GABRG2: variants seen among roughly 807,000 people sequenced by gnomAD.
The protein encoded by GABRG2 is gamma-aminobutyric acid receptor subunit gamma-2.
In GABRG2, 16 loss-of-function variants were observed where a neutral mutation model predicts 56.4. The observed-to-expected ratio is 0.28, with a 90% CI of 0.19 to 0.43. The LOEUF is 0.43. GABRG2 is among the 20% of genes least tolerant of loss of function. GABRG2 has a pLI of 1.00. For missense variants in GABRG2, 327 were observed against 582.7 expected, an observed-to-expected ratio of 0.56 and a Z score of 4.52; for synonymous variants, 208 against 205.5, an observed-to-expected ratio of 1.01 and a Z score of -0.10.
At position 162,153,628 on chromosome 5, in the gene GABRG2, A is replaced by C; in HGVS notation, c.*260A>C. On this transcript the variant is annotated 3_prime_UTR_variant, in exon 10 of 10. Transcript: ENST00000639213. Reference sequence around the variant, plus strand: ...AGAGCAAGAACATTCAAACCAAATAAGATATTTTTCAGCTACAGCAAATAA... The same window carrying C: ...AGAGCAAGAACATTCAAACCAAATACGATATTTTTCAGCTACAGCAAATAA... 1 of 559,892 alleles carries C rather than the reference A, an allele frequency of 1.8e-6. No individual in the cohort carries two copies. Among genetic ancestry groups the C allele is most frequent in the Non-Finnish European group, 3.2e-6 (1 of 312,544 alleles). The allele number at this position is 559,892 out of a possible 1,614,324, so 34.7% of individuals were successfully genotyped here.
intron 6 of GABRG2, among the ~76,000 whole-genome samples, chr5:162,107,496 A>G (rs28550487): frequency 0.029 from 4,476 of 152,260 alleles, 241 homozygotes; most frequent in African/African-American, 0.1. Context: ...AGCATTTCAT[A>G]TGAGAGAATT....
intron 6 of GABRG2, among the ~76,000 whole-genome samples, chr5:162,121,407 G>A (rs1047950002): frequency 2.0e-5 from 3 of 152,044 alleles, no homozygotes; most frequent in African/African-American, 4.8e-5. Context: ...TATGAATGAT[G>A]ACACTTGGAT....
intron 5 of GABRG2, chr5:162,102,152 T>C (rs556847236): frequency 1.1e-5 from 2 of 178,556 alleles, no homozygotes; most frequent in South Asian, 1.1e-4. Flanking sequence ...TAATCACCTG[T>C]TTATCACTTC....
chr5:162,087,429 T>C (rs555204237), intron 1 of GABRG2, among the ~76,000 whole-genome samples: 1 of 152,124 alleles, frequency 6.6e-6, no homozygotes, highest in Non-Finnish European at 1.5e-5. Context: ...GCTAGTGATA[T>C]TAGAAAACAG....
At chr5:162,143,822 A>G (rs1764759281) in intron 7 of GABRG2, among the ~76,000 whole-genome samples, 3 of 152,236 alleles carry the variant, frequency 2.0e-5, no homozygotes, top group Non-Finnish European at 2.9e-5. Context: ...GTAAAGCCTC[A>G]GAAATGTTGG....
At chr5:162,089,264 T>G (rs1760375352) in intron 1 of GABRG2, among the ~76,000 whole-genome samples, 2 of 152,122 alleles carry the variant, frequency 1.3e-5, no homozygotes, top group African/African-American at 4.8e-5. Flanking sequence ...CATGATGATG[T>G]ACGGAACAAG....
chr5:162,134,097 T>C (rs894650160), intron 6 of GABRG2, among the ~76,000 whole-genome samples: 20 of 152,158 alleles, frequency 1.3e-4, no homozygotes, highest in East Asian at 5.8e-4. Flanking sequence ...TGTTTTTGTT[T>C]GTTTTCTTTG....
chr5:162,116,486 C>A (rs1455014817), intron 6 of GABRG2, among the ~76,000 whole-genome samples: 1 of 151,678 alleles, frequency 6.6e-6, no homozygotes, highest in Non-Finnish European at 1.5e-5. Flanking sequence ...TCCTTAAAAC[C>A]TCTGCTTTGT....
At chr5:162,122,509 A>G (rs1200892945) in intron 6 of GABRG2, among the ~76,000 whole-genome samples, 3 of 151,906 alleles carry the variant, frequency 2.0e-5, no homozygotes, top group African/African-American at 7.2e-5. Flanking sequence ...CGTTCGTTAC[A>G]CATATTATTG....
Position 162,154,479 on chromosome 5 carries a change from T to C in GABRG2, c.*1111T>C, listed in dbSNP as rs1363886564. On this transcript the variant is annotated 3_prime_UTR_variant, in exon 10 of 10. Transcript: ENST00000639213. The stretch of plus-strand genomic sequence containing the variant: ...TCTGTGCTGGCCTGAAACCAGTGAC[T>C]CATCTTCTCACATAGGTGTTGTCAA... The C allele has an allele frequency of 1.3e-5, 2 of 152,202 alleles. No individual in the cohort carries two copies. Among genetic ancestry groups the C allele is most frequent in the Non-Finnish European group, 2.9e-5 (2 of 68,026 alleles). The allele number at this position is 152,202 out of a possible 1,614,324, so 9.4% of individuals were successfully genotyped here.
At chr5:162,121,557 A>T (rs142823528) in intron 6 of GABRG2, among the ~76,000 whole-genome samples, 1 of 152,220 alleles carries the variant, frequency 6.6e-6, no homozygotes, top group African/African-American at 2.4e-5. Flanking sequence ...TTAATAACTT[A>T]TAAAAGACTC....
chr5:162,082,058 G>A (rs564154948), intron 1 of GABRG2, among the ~76,000 whole-genome samples: 2 of 151,850 alleles, frequency 1.3e-5, no homozygotes, highest in African/African-American at 4.8e-5. Flanking sequence ...TTTTCCCCTT[G>A]AGAGTACATA....
intron 5 of GABRG2, chr5:162,102,479 A>G: frequency 2.2e-6 from 1 of 453,936 alleles, no homozygotes. Context: ...TAATTCAGTC[A>G]CCAGCACATT....
chr5:162,112,839 A>G (rs1257148587), intron 6 of GABRG2, among the ~76,000 whole-genome samples: 1 of 152,208 alleles, frequency 6.6e-6, no homozygotes, highest in African/African-American at 2.4e-5. Flanking sequence ...TTTTAGTAGT[A>G]CATCCAGCAA....
In GABRG2 at chr5:162,153,797, A is replaced by G. The variant is rs1382833444; in HGVS notation, c.*429A>G. On this transcript the variant is annotated 3_prime_UTR_variant, in exon 10 of 10. Transcript: ENST00000639213. ...TTGATCCCAATAGAATACCTCCCTC[A>G]TTTAAGAAAAATCATAACTCACTTT... The G allele has an allele frequency of 5.5e-6, 1 of 183,056 alleles. No individual in the cohort carries two copies. Among genetic ancestry groups the G allele is most frequent in the Non-Finnish European group, 1.2e-5 (1 of 85,954 alleles). 11.3% of individuals were successfully genotyped at this position (183,056 alleles called of 1,614,324 possible).
rs144600698 is a variant in GABRG2 at position 162,147,208 on chromosome 5, T to C, written c.923-1900T>C. Reference sequence around the variant, plus strand: ...ACCTCTTTCTTTCTCTTTCTTTCTTTCTTCCTTCTTTCTTTCTCTTTCTTT... The same window carrying C: ...ACCTCTTTCTTTCTCTTTCTTTCTTCCTTCCTTCTTTCTTTCTCTTTCTTT... On this transcript the variant is annotated intron_variant, in intron 7 of 9. Transcript: ENST00000639213. Among the ~76,000 whole-genome samples the C allele has an allele frequency of 8.1e-3, 1,216 of 150,824 alleles. 19 individuals are homozygous for C. The highest frequency in any genetic ancestry group is 0.029 in the African/African-American group (1,155 of 40,308).
chr5:162,110,629 G>A (rs1284464534), intron 6 of GABRG2, among the ~76,000 whole-genome samples: 1 of 148,572 alleles, frequency 6.7e-6, no homozygotes, highest in African/African-American at 2.5e-5. Flanking sequence ...GGTTGGAAGG[G>A]AAACAACAAC....
intron 9 of GABRG2, chr5:162,152,248 A>G (rs1765425035): frequency 5.4e-6 from 1 of 183,590 alleles, no homozygotes; most frequent in Non-Finnish European, 1.2e-5. Context: ...TCCATTCCTT[A>G]TTTCCAGAGT....
At chr5:162,077,075 G>GTGTA (rs1446946172) in intron 1 of GABRG2, among the ~76,000 whole-genome samples, 4 of 39,576 alleles carry the variant, frequency 1.0e-4, no homozygotes, top group Non-Finnish European at 2.5e-4. Flanking sequence ...AACTACCCCT[G>GTGTA]TGTGTGTGTG....
Sources: gnomAD v4.1 joint callset for allele counts (sites outside exome capture counted in the v4.1 genomes callset) on GRCh38, gnomAD v4.1.1 for gene constraint, MANE v1.5 for transcripts, NCBI Gene and HGNC (gene_info 2026-07-23, HGNC 2026-07-21) for gene names.